DTX4: variants seen among roughly 807,000 people sequenced by gnomAD.
DTX4 encodes E3 ubiquitin-protein ligase DTX4.
In DTX4, 28 loss-of-function variants were observed where a neutral mutation model predicts 57.6. The ratio of observed to expected loss-of-function variants is 0.49; its 90% CI spans 0.36 to 0.67. The LOEUF (loss-of-function observed/expected upper bound fraction) is 0.67, where lower values mean the gene tolerates loss of function less well. Among genes scored for constraint, DTX4 ranks in the 30% least tolerant of loss-of-function variants. The pLI is 0.00. For synonymous variants in DTX4, 316 were observed against 331.0 expected, an observed-to-expected ratio of 0.95 and a Z score of 0.49; for missense variants, 715 against 836.8, an observed-to-expected ratio of 0.85 and a Z score of 1.80.
chr11:59,189,116 G>C (rs1467785289), intron 3 of DTX4, 46 bp from the exon 4 acceptor site: 2 of 1,606,518 alleles, frequency 1.2e-6, no homozygotes, highest in East Asian at 2.2e-5. Context: ...GGAATGTTGA[G>C]AGCTAAGTCT....
At chr11:59,197,011 T>C (rs11229869) in intron 7 of DTX4, among the ~76,000 whole-genome samples, 13,848 of 152,168 alleles carry the variant, frequency 0.091, 906 homozygotes, top group East Asian at 0.29. Context: ...GCCAAAATGG[T>C]TGGGGACAGC....
rs191465116 is a variant in DTX4, at chr11:59,201,348, G to T, written c.1626+1575G>T. ...TCAGACCATAGCAGCAGCTTCAGTCGGCTCCACGTGTCTTCCTGTTCTGCA... is the reference window on the plus strand; with the variant it reads ...TCAGACCATAGCAGCAGCTTCAGTCTGCTCCACGTGTCTTCCTGTTCTGCA... On this transcript the variant is annotated intron_variant, in intron 8 of 8. Transcript: ENST00000227451. Among the ~76,000 whole-genome samples the T allele has an allele frequency of 2.8e-3, 427 of 152,306 alleles. 3 individuals carry two copies. Among genetic ancestry groups the T allele is most frequent in the African/African-American group, 9.8e-3 (408 of 41,562 alleles).
intron 1 of DTX4, among the ~76,000 whole-genome samples, chr11:59,175,600 T>G (rs1412202515): frequency 6.6e-6 from 1 of 152,164 alleles, no homozygotes; most frequent in African/African-American, 2.4e-5. Context: ...TGGGGTGAGA[T>G]AGATGGGACT....
At chr11:59,171,847 G>C (rs1428132293), upstream of DTX4, among the ~76,000 whole-genome samples, 1 of 152,126 alleles carries the variant, frequency 6.6e-6, no homozygotes, top group Non-Finnish European at 1.5e-5. Flanking sequence ...AAAAGAGAGA[G>C]AGAGAGAAAA....
In DTX4 at chr11:59,195,388, T is replaced by C. The variant is rs952008667; in HGVS notation, c.1536+19T>C. ...CATTCAGGTGAGCCTTTCTCTCAGGTGAGCCTTTCTGTCACCCCTTGGTTT... is the reference window on the plus strand; with the variant it reads ...CATTCAGGTGAGCCTTTCTCTCAGGCGAGCCTTTCTGTCACCCCTTGGTTT... On this transcript the variant is annotated intron_variant, in intron 7 of 8. Transcript: ENST00000227451. The C allele has an allele frequency of 1.3e-6, 2 of 1,582,366 alleles. No homozygotes were observed. Among genetic ancestry groups the C allele is most frequent in the African/African-American group, 2.7e-5 (2 of 73,626 alleles).
intron 3 of DTX4, 115 bp downstream of exon 3, chr11:59,188,911 G>T: frequency 9.1e-7 from 1 of 1,093,454 alleles, no homozygotes. Flanking sequence ...AAAGCAAATG[G>T]TGATTTTAGG....
At chr11:59,176,065 C>G (rs1862392112) in intron 1 of DTX4, among the ~76,000 whole-genome samples, 1 of 152,158 alleles carries the variant, frequency 6.6e-6, no homozygotes, top group African/African-American at 2.4e-5. Flanking sequence ...GTTTTCTGTG[C>G]AGGTTTTGCC....
At chr11:59,184,876 C>T (rs1446167538) in intron 2 of DTX4, among the ~76,000 whole-genome samples, 1 of 152,204 alleles carries the variant, frequency 6.6e-6, no homozygotes, top group East Asian at 1.9e-4. Flanking sequence ...CCCTCACCCC[C>T]AATCCCATCT....
chr11:59,177,546 A>G (rs1195049476), intron 1 of DTX4, among the ~76,000 whole-genome samples: 4 of 152,126 alleles, frequency 2.6e-5, no homozygotes, highest in Non-Finnish European at 5.9e-5. Flanking sequence ...AATTAAATCT[A>G]TCATAGTCTG....
rs1862469579 is a variant in DTX4, at chr11:59,182,007, C to T, written c.480C>T (p.Ile160=). 6.2e-7 allele frequency: 1 copy of T among 1,613,896 alleles called. No homozygotes were observed. Among genetic ancestry groups the T allele is most frequent in the African/African-American group, 1.3e-5 (1 of 75,054 alleles). ...QRRVRRRLDL[I]YPMVTGTLPK... is the part of the protein sequence containing the mutation. ...GCGTCCGCCGGCGCCTCGACCTCAT[C>T]TACCCCATGGTCACAGGGACCTTGC... Residue 160 remains isoleucine, a synonymous_variant, in exon 2 of 9, where the codon ATC becomes ATT. Transcript: ENST00000227451.
intron 8 of DTX4, among the ~76,000 whole-genome samples, chr11:59,203,025 T>A (rs1862758180): frequency 6.6e-6 from 1 of 152,190 alleles, no homozygotes; most frequent in Non-Finnish European, 1.5e-5. Context: ...AAAAATACAG[T>A]ATAAAAGATA....
At chr11:59,184,184 A>T (rs1287339917) in intron 2 of DTX4, among the ~76,000 whole-genome samples, 1 of 152,192 alleles carries the variant, frequency 6.6e-6, no homozygotes, top group Non-Finnish European at 1.5e-5. Flanking sequence ...TTCACACAGC[A>T]CCATCCTGGG....
intron 1 of DTX4, among the ~76,000 whole-genome samples, chr11:59,176,342 T>C (rs1045275272): frequency 1.3e-5 from 2 of 152,208 alleles, no homozygotes; most frequent in African/African-American, 4.8e-5. Flanking sequence ...CCTATTATTA[T>C]CCCCATTTTA....
chr11:59,182,348 C>A lies in DTX4; in HGVS notation c.821C>A (p.Pro274His). 1 of 1,613,554 alleles carries A rather than the reference C, an allele frequency of 6.2e-7. No homozygotes were observed. Among genetic ancestry groups the A allele is most frequent in the African/African-American group, 1.3e-5 (1 of 75,052 alleles). The change falls in exon 2 of 9, where the codon CCT becomes CAT. Residue 274 changes from proline (P) to histidine (H), a missense_variant. Pro to His is a moderately conservative substitution (Grantham distance 77). Coordinates refer to ENST00000227451, the MANE Select transcript of DTX4 (RefSeq NM_015177.2). The stretch of plus-strand genomic sequence containing the variant: ...CCCACTGGGACAACCATGGGCTCTC[C>A]TGCCAGTCCCCCAGGACCCAACAGC... The part of the protein sequence containing the change: ...SMPTGTTMGS[P>H]ASPPGPNSKT...
Position 59,181,801 on chromosome 11 carries a change from G to C in DTX4, c.274G>C (p.Val92Leu). 1 of 1,613,996 alleles carries C rather than the reference G, an allele frequency of 6.2e-7. No individual in the cohort carries two copies. The highest frequency in any genetic ancestry group is 8.5e-7 in the Non-Finnish European group (1 of 1,179,872). ...CTCCTCGGCCCCTGGGAAGGGCGTG[G>C]TGTGGGAGTGGGAGAACGACAATGG... is the stretch of plus-strand genomic sequence containing the variant. Reference protein sequence around the residue: ...DPSSAPGKGVVWEWENDNGSW... With the variant: ...DPSSAPGKGVLWEWENDNGSW... The change falls in exon 2 of 9, where the codon GTG becomes CTG. Residue 92 changes from valine (V) to leucine (L), a missense_variant. By Grantham distance (32) the Val-to-Leu change is conservative. Transcript: ENST00000227451.
At chr11:59,177,311 C>T (rs536606397) in intron 1 of DTX4, among the ~76,000 whole-genome samples, 4 of 152,266 alleles carry the variant, frequency 2.6e-5, no homozygotes, top group Admixed American at 1.3e-4. Context: ...AATTCATACC[C>T]CAGGAGATTC....
At chr11:59,172,101 A>T, upstream of DTX4, among the ~76,000 whole-genome samples, 1 of 86,418 alleles carries the variant, frequency 1.2e-5, no homozygotes, top group Non-Finnish European at 2.3e-5. Flanking sequence ...GTGGGGAGGG[A>T]GGGAGAGAGG....
chr11:59,199,698 G>A lies in DTX4; in HGVS notation c.1551G>A (p.Pro517=), dbSNP rs1019485414. The change falls in exon 8 of 9, where the codon CCG becomes CCA. Residue 517 remains proline, a synonymous_variant. Coordinates refer to ENST00000227451, the MANE Select transcript of DTX4 (RefSeq NM_015177.2). ...TCTGCTTTCAGGGACCGGAACACCCGAATCCTGGGAAGAGTTTCAGCGCCC... is the reference window on the plus strand; with the variant it reads ...TCTGCTTTCAGGGACCGGAACACCCAAATCCTGGGAAGAGTTTCAGCGCCC... ...IPPGIQGPEH[P]NPGKSFSARG... 8 of 1,575,984 alleles carry A rather than the reference G, an allele frequency of 5.1e-6. No individual in the cohort carries two copies. Among genetic ancestry groups the A allele is most frequent in the Non-Finnish European group, 6.0e-6 (7 of 1,160,560 alleles).
intron 7 of DTX4, among the ~76,000 whole-genome samples, chr11:59,196,513 A>T (rs1862672684): frequency 6.6e-6 from 1 of 152,218 alleles, no homozygotes. Flanking sequence ...AGTCCAATGG[A>T]CCTGGGTTCC....
Sources: allele counts gnomAD v4.1 joint callset (sites outside exome capture counted in the v4.1 genomes callset), GRCh38; gene constraint gnomAD v4.1.1; transcripts MANE v1.5; gene names NCBI Gene and HGNC (gene_info 2026-07-23, HGNC 2026-07-21).